Variants in HPCAL1 observed in about 807,000 individuals in gnomAD.
The protein encoded by HPCAL1 is hippocalcin like 1.
In HPCAL1, 8 loss-of-function variants were observed where a neutral mutation model predicts 17.1. That is an observed-to-expected ratio of 0.47 (90% CI 0.27 to 0.84). The LOEUF (loss-of-function observed/expected upper bound fraction) is 0.84. Ranked by LOEUF, HPCAL1 falls within the 40% of genes least tolerant of loss-of-function variation. The pLI is 0.13. For missense variants in HPCAL1, 165 were observed against 271.1 expected (o/e 0.61, Z 2.75); for synonymous variants, 112 against 111.4 (o/e 1.01, Z -0.03).
At chr2:10,358,191 G>A (rs999768009) in intron 1 of HPCAL1, among the ~76,000 whole-genome samples, 4 of 152,222 alleles carry the variant, frequency 2.6e-5, no homozygotes, top group African/African-American at 7.2e-5. Context: ...ATAGATGTGC[G>A]GTAACATCAG....
chr2:10,380,572 C>G (rs1462688726), intron 1 of HPCAL1, among the ~76,000 whole-genome samples: 1 of 152,238 alleles, frequency 6.6e-6, no homozygotes, highest in Non-Finnish European at 1.5e-5. Flanking sequence ...CACCTTCCTG[C>G]AGGGCTGAGC....
intron 1 of HPCAL1, among the ~76,000 whole-genome samples, chr2:10,325,781 T>G (rs1347279665): frequency 6.6e-6 from 1 of 152,246 alleles, no homozygotes; most frequent in Non-Finnish European, 1.5e-5. Context: ...CGGGAGCACC[T>G]GCTGCAGGTG....
In HPCAL1 at chr2:10,360,310, A is replaced by T. The variant is rs116221477; in HGVS notation, c.-110-36525A>T. 3.4e-3 allele frequency among the ~76,000 whole-genome samples: 524 copies of T among 152,344 alleles called. 9 individuals are homozygous for T. Among genetic ancestry groups the T allele is most frequent in the African/African-American group, 0.012 (503 of 41,578 alleles). On this transcript the variant is annotated intron_variant, in intron 1 of 4. Transcript: ENST00000307845. ...TGGAGAGTCCCTGAGGTCCCGTTTC[A>T]TGGGAGACTTCTCTCACAAAGCGAA... is the stretch of plus-strand genomic sequence containing the variant.
chr2:10,404,380 A>C (rs1005345042), intron 2 of HPCAL1, among the ~76,000 whole-genome samples: 2 of 152,122 alleles, frequency 1.3e-5, no homozygotes, highest in African/African-American at 4.8e-5. Context: ...GTGTTTCCCC[A>C]GCCCCGCTGA....
chr2:10,358,056 C>T (rs1481076787), intron 1 of HPCAL1, among the ~76,000 whole-genome samples: 3 of 152,232 alleles, frequency 2.0e-5, no homozygotes, highest in African/African-American at 4.8e-5. Context: ...ATAGCAGCCC[C>T]GGTGGAAAGC....
At position 10,417,968 on chromosome 2, in the gene HPCAL1, G is replaced by A. The variant is rs549446023; in HGVS notation, c.-24-1766G>A. Among the ~76,000 whole-genome samples the A allele has an allele frequency of 1.2e-4, 19 of 152,140 alleles. No individual in the cohort carries two copies. In the East Asian group the frequency reaches 1.4e-3, roughly 11 times the overall value. Reference sequence around the variant, plus strand: ...GAGGTGGGAGGATCACTTGAGCACCGGAGGTCAAGGCTTCAGTGAGTCATG... The same window carrying A: ...GAGGTGGGAGGATCACTTGAGCACCAGAGGTCAAGGCTTCAGTGAGTCATG... On this transcript the variant is annotated intron_variant, in intron 2 of 4. Transcript: ENST00000307845.
At chr2:10,340,837 T>C (rs1384478562) in intron 1 of HPCAL1, among the ~76,000 whole-genome samples, 3 of 152,222 alleles carry the variant, frequency 2.0e-5, no homozygotes, top group Non-Finnish European at 4.4e-5. Flanking sequence ...CCTGAATCCC[T>C]GTCCTGTTAC....
chr2:10,416,376 G>T (rs905112782), intron 2 of HPCAL1, among the ~76,000 whole-genome samples: 5 of 152,196 alleles, frequency 3.3e-5, no homozygotes, highest in African/African-American at 9.7e-5. Flanking sequence ...TGGGCACAGA[G>T]CTGTCTGGGA....
chr2:10,402,365 G>A (rs1457552633), intron 2 of HPCAL1, among the ~76,000 whole-genome samples: 2 of 152,216 alleles, frequency 1.3e-5, no homozygotes, highest in African/African-American at 4.8e-5. Flanking sequence ...ATTACACTTT[G>A]TGTGTATGGG....
At chr2:10,306,504 T>C (rs1662628815) in intron 1 of HPCAL1, among the ~76,000 whole-genome samples, 1 of 152,212 alleles carries the variant, frequency 6.6e-6, no homozygotes, top group Non-Finnish European at 1.5e-5. Context: ...TCTTGTGCTT[T>C]TCCCCTTAGA....
At chr2:10,424,047 C>T (rs10929665) in intron 4 of HPCAL1, 37,511 of 158,596 alleles carry the variant, frequency 0.24, 4,869 homozygotes, top group Non-Finnish European at 0.29. Context: ...GAGCCGAGAT[C>T]GCACCACTGC....
At chr2:10,364,349 C>G (rs752714320) in intron 1 of HPCAL1, among the ~76,000 whole-genome samples, 2 of 152,068 alleles carry the variant, frequency 1.3e-5, no homozygotes, top group Non-Finnish European at 2.9e-5. Flanking sequence ...GAGGGTGAGG[C>G]CCCCCCTACT....
intron 1 of HPCAL1, among the ~76,000 whole-genome samples, chr2:10,326,002 G>A (rs1030342122): frequency 5.3e-5 from 8 of 152,354 alleles, no homozygotes; most frequent in African/African-American, 1.9e-4. Context: ...CCACTGAACA[G>A]TCATGGAGTG....
In HPCAL1 at chr2:10,335,983, CTGTAAATTAATTG is replaced by C. The variant is rs1558466804; in HGVS notation, c.-111+32807_-111+32819del. On this transcript the variant is annotated intron_variant, in intron 1 of 4. Coordinates refer to ENST00000307845, the MANE Select transcript of HPCAL1 (RefSeq NM_002149.4). ...ATTAATTGCATGTTCATATCCTCTG[CTGTAAATTAATTG>C]CATGTTCGTATCCTCTGGTGTAAAT... 1.3e-3 allele frequency among the ~76,000 whole-genome samples: 132 copies of C among 103,114 alleles called. 1 individual carries two copies. Among genetic ancestry groups the C allele is most frequent in the African/African-American group, 6.1e-3 (128 of 20,826 alleles). 67.6% of individuals were successfully genotyped at this position (103,114 alleles called of 152,430 possible). A position where few individuals can be genotyped will look rare whatever the true frequency, so the allele number is the denominator to read the frequency against.
intron 1 of HPCAL1, among the ~76,000 whole-genome samples, chr2:10,316,658 A>G (rs1004593890): frequency 6.6e-6 from 1 of 152,178 alleles, no homozygotes; most frequent in African/African-American, 2.4e-5. Flanking sequence ...AAAATTGGCT[A>G]ATATGAAAGA....
chr2:10,338,003 A>G (rs1374999811), intron 1 of HPCAL1, among the ~76,000 whole-genome samples: 1 of 152,222 alleles, frequency 6.6e-6, no homozygotes, highest in Non-Finnish European at 1.5e-5. Context: ...GGGGAGCTCC[A>G]TAAATCCTGT....
intron 1 of HPCAL1, among the ~76,000 whole-genome samples, chr2:10,307,511 A>G (rs1415231520): frequency 2.6e-5 from 4 of 152,212 alleles, no homozygotes; most frequent in Admixed American, 2.6e-4. Context: ...ACCTAACACT[A>G]GGTGTGGGCT....
In HPCAL1 at chr2:10,367,205, G is replaced by A. The variant is rs888134328; in HGVS notation, c.-110-29630G>A. On this transcript the variant is annotated intron_variant, in intron 1 of 4. Coordinates refer to ENST00000307845, the MANE Select transcript of HPCAL1 (RefSeq NM_002149.4). This position sits in a 1 kb window ranked among gnomAD's most constrained non-coding sequence, Gnocchi z 4.4. ...AGGGTAACTTCATCTCTCAAAATAG[G>A]CTGAGACTTTTTACAGTTAGATATT... is the stretch of plus-strand genomic sequence containing the variant. Among the ~76,000 whole-genome samples, 3 of 151,858 alleles carry A rather than the reference G, an allele frequency of 2.0e-5. No homozygotes were observed. Among genetic ancestry groups the A allele is most frequent in the African/African-American group, 7.3e-5 (3 of 41,324 alleles).
chr2:10,332,527 G>T (rs1664449440), intron 1 of HPCAL1, among the ~76,000 whole-genome samples: 1 of 152,086 alleles, frequency 6.6e-6, no homozygotes, highest in African/African-American at 2.4e-5. Context: ...CAGGGAAGGG[G>T]TGAAGCGGGC....
Sources: allele counts gnomAD v4.1 joint callset (sites outside exome capture counted in the v4.1 genomes callset), GRCh38; gene constraint gnomAD v4.1.1; non-coding constraint Gnocchi (gnomAD v3.1); transcripts MANE v1.5; gene names NCBI Gene and HGNC (gene_info 2026-07-23, HGNC 2026-07-21).